Variants in RABGAP1L observed in about 807,000 individuals in gnomAD.
RABGAP1L encodes rab GTPase-activating protein 1-like.
RABGAP1L carries 63 observed loss-of-function variants against 137.7 expected under a neutral mutation model. That is an observed-to-expected ratio of 0.46 (90% CI 0.37 to 0.56). The LOEUF (loss-of-function observed/expected upper bound fraction) is 0.56, where lower values mean the gene tolerates loss of function less well. Ranked by LOEUF, RABGAP1L falls within the 20% of genes least tolerant of loss-of-function variation. RABGAP1L has a pLI of 0.00. For synonymous variants in RABGAP1L, 431 were observed against 433.7 expected (o/e 0.99, Z 0.08); for missense variants, 1,095 against 1,244.0 (o/e 0.88, Z 1.80).
intron 14 of RABGAP1L, among the ~76,000 whole-genome samples, chr1:174,679,175 T>C (rs1677866192): frequency 6.6e-6 from 1 of 152,198 alleles, no homozygotes; most frequent in African/African-American, 2.4e-5. Flanking sequence ...TGTTTTTGCC[T>C]AATTAGCATT....
chr1:174,347,686 C>T (rs576077232), intron 11 of RABGAP1L, among the ~76,000 whole-genome samples: 30 of 152,098 alleles, frequency 2.0e-4, no homozygotes, highest in African/African-American at 5.3e-4. Context: ...AGTGGAGATG[C>T]GGTTTCACCG....
intron 5 of RABGAP1L, 70 bp from the exon 6 acceptor site, chr1:174,250,405 T>C: frequency 8.4e-7 from 1 of 1,189,210 alleles, no homozygotes; most frequent in Non-Finnish European, 1.2e-6. Flanking sequence ...GATTCAAGAG[T>C]TAGGAGAGAA....
At chr1:174,470,326 A>C (rs1657772016) in intron 13 of RABGAP1L, among the ~76,000 whole-genome samples, 1 of 152,168 alleles carries the variant, frequency 6.6e-6, no homozygotes, top group Admixed American at 6.5e-5. Flanking sequence ...TTCTATGTAA[A>C]TTTGTTTGTA....
intron 7 of RABGAP1L, among the ~76,000 whole-genome samples, chr1:174,263,963 A>G (rs1019446264): frequency 2.0e-5 from 3 of 152,010 alleles, no homozygotes; most frequent in African/African-American, 7.2e-5. Context: ...TTGTTTAGTT[A>G]CTAATATTTT....
intron 19 of RABGAP1L, among the ~76,000 whole-genome samples, chr1:174,854,000 A>G (rs1648831147): frequency 6.6e-6 from 1 of 152,200 alleles, no homozygotes; most frequent in African/African-American, 2.4e-5. Context: ...CTTATGGTCA[A>G]TAATGATGTA....
intron 19 of RABGAP1L, among the ~76,000 whole-genome samples, chr1:174,884,340 A>T (rs971650395): frequency 2.6e-5 from 4 of 152,222 alleles, no homozygotes; most frequent in Admixed American, 6.5e-5. Flanking sequence ...AAATTAAAAA[A>T]CAAAATTCAG....
intron 19 of RABGAP1L, among the ~76,000 whole-genome samples, chr1:174,834,197 C>T (rs1451052374): frequency 7.2e-5 from 11 of 152,096 alleles, no homozygotes; most frequent in South Asian, 2.1e-4. Flanking sequence ...GAGGCCAAGG[C>T]GGGAAGATCA....
chr1:174,337,280 C>T (rs374574313), intron 11 of RABGAP1L, among the ~76,000 whole-genome samples: 3 of 152,046 alleles, frequency 2.0e-5, no homozygotes, highest in African/African-American at 4.8e-5. Flanking sequence ...CATTTCGTTG[C>T]GGCTTTAGAA....
chr1:174,735,612 CAAAAAAAAA>C (rs59281177), intron 17 of RABGAP1L, among the ~76,000 whole-genome samples: 6 of 46,166 alleles, frequency 1.3e-4, no homozygotes, highest in Admixed American at 3.6e-4. Flanking sequence ...AACTCCATCT[CAAAAAAAAA>C]AAAAAAAAAA....
intron 14 of RABGAP1L, among the ~76,000 whole-genome samples, chr1:174,656,205 C>T (rs990855050): frequency 6.6e-6 from 1 of 152,200 alleles, no homozygotes; most frequent in Non-Finnish European, 1.5e-5. Context: ...GCCTGTAATC[C>T]CAGCACTTTG....
chr1:174,851,887 A>G (rs1295403886), intron 19 of RABGAP1L, among the ~76,000 whole-genome samples: 1 of 152,120 alleles, frequency 6.6e-6, no homozygotes, highest in African/African-American at 2.4e-5. Context: ...TGTGACCTGG[A>G]TTTAAATGGT....
chr1:174,858,497 C>A (rs543543728), intron 19 of RABGAP1L, among the ~76,000 whole-genome samples: 1 of 152,236 alleles, frequency 6.6e-6, no homozygotes, highest in South Asian at 2.1e-4. Flanking sequence ...CACAGGATAG[C>A]TCCCCACAAC....
chr1:174,804,264 GTTTTGTTTTGTT>G (rs1323792259), intron 18 of RABGAP1L, among the ~76,000 whole-genome samples: 2 of 49,614 alleles, frequency 4.0e-5, no homozygotes, highest in Non-Finnish European at 1.4e-4. Context: ...TGTTTGTTTT[GTTTTGTTTTGTT>G]TTTTGTTTTT....
chr1:174,541,970 T>G (rs1027383812), intron 13 of RABGAP1L, among the ~76,000 whole-genome samples: 9 of 152,250 alleles, frequency 5.9e-5, no homozygotes, highest in South Asian at 2.1e-4. Flanking sequence ...ATAAGCTTTT[T>G]GATGTGCTGC....
chr1:174,522,908 C>T (rs1015606100), intron 13 of RABGAP1L, among the ~76,000 whole-genome samples: 1 of 152,170 alleles, frequency 6.6e-6, no homozygotes, highest in Non-Finnish European at 1.5e-5. Flanking sequence ...ATGATTCCAT[C>T]ACCTCCCACC....
At chr1:174,893,449 C>T (rs192021710) in intron 19 of RABGAP1L, among the ~76,000 whole-genome samples, 1 of 152,114 alleles carries the variant, frequency 6.6e-6, no homozygotes, top group Admixed American at 6.5e-5. Context: ...AAGACAATCA[C>T]TTGTTAAGAG....
At position 174,176,741 on chromosome 1, in the gene RABGAP1L, A is replaced by AATAAATAAAAT. The variant is rs1553248316; in HGVS notation, c.-34+17085_-34+17086insTAAATAAAATA. Among the ~76,000 whole-genome samples the AATAAATAAAAT allele has an allele frequency of 2.7e-5, 3 of 111,778 alleles. 1 individual carries two copies. The highest frequency in any genetic ancestry group is 5.5e-5 in the Non-Finnish European group (3 of 54,890). 73.3% of individuals were successfully genotyped at this position (111,778 alleles called of 152,430 possible). A position where few individuals can be genotyped will look rare whatever the true frequency, so the allele number is the denominator to read the frequency against. On this transcript the variant is annotated intron_variant, in intron 1 of 25. Coordinates refer to ENST00000681986, the MANE Select transcript of RABGAP1L (RefSeq NM_001366446.1). ...AAAAAAAAAAAAAAAAAAAAAAAAA[A>AATAAATAAAAT]AAAAAGGTCAACATTTGTTAATACT... is the stretch of plus-strand genomic sequence containing the variant.
chr1:174,669,555 G>C (rs561049667), intron 14 of RABGAP1L, among the ~76,000 whole-genome samples: 1 of 152,116 alleles, frequency 6.6e-6, no homozygotes, highest in South Asian at 2.1e-4. Flanking sequence ...AAAAATCATT[G>C]CCCAGACCAA....
rs560711551 is a variant in RABGAP1L, at chr1:174,306,487, G to A, written c.1465+1360G>A. On this transcript the variant is annotated intron_variant, in intron 11 of 25. Coordinates refer to ENST00000681986, the MANE Select transcript of RABGAP1L (RefSeq NM_001366446.1). ...TGGTGTGAGATGGTATCTCATTGTGGTTTTGATTTGCATTTCTCTGATGGC... is the reference window on the plus strand; with the variant it reads ...TGGTGTGAGATGGTATCTCATTGTGATTTTGATTTGCATTTCTCTGATGGC... Among the ~76,000 whole-genome samples the A allele has an allele frequency of 4.6e-5, 7 of 152,248 alleles. No individual in the cohort carries two copies. The East Asian group carries it at 1.4e-3, about 29-fold the overall frequency.
Sources: gnomAD v4.1 joint callset for allele counts (sites outside exome capture counted in the v4.1 genomes callset) on GRCh38, gnomAD v4.1.1 for gene constraint, MANE v1.5 for transcripts, NCBI Gene and HGNC (gene_info 2026-07-23, HGNC 2026-07-21) for gene names.